The following MED12L variants were observed in gnomAD, a reference collection of about 807,000 sequenced individuals.
MED12L encodes mediator of RNA polymerase II transcription subunit 12-like protein.
A neutral mutation model predicts 281.3 loss-of-function variants in MED12L; 60 were observed. The ratio of observed to expected loss-of-function variants is 0.21; its 90% CI spans 0.17 to 0.26. The LOEUF (loss-of-function observed/expected upper bound fraction) is 0.26, where lower values mean the gene tolerates loss of function less well. MED12L is among the 10% of genes least tolerant of loss of function. MED12L has a pLI of 1.00. For missense variants in MED12L, 2,146 were observed against 2,680.9 expected, an observed-to-expected ratio of 0.80 and a Z score of 4.41; for synonymous variants, 974 against 987.2, an observed-to-expected ratio of 0.99 and a Z score of 0.25.
chr3:151,131,969 A>G (rs532612309), intron 5 of MED12L, among the ~76,000 whole-genome samples: 46 of 152,314 alleles, frequency 3.0e-4, no homozygotes, highest in African/African-American at 1.0e-3. Context: ...GCCAGATAAC[A>G]TACGATTCTG....
chr3:151,385,948 C>T (rs1713273397), intron 36 of MED12L, among the ~76,000 whole-genome samples: 1 of 152,026 alleles, frequency 6.6e-6, no homozygotes, highest in Non-Finnish European at 1.5e-5. Context: ...AGAGTTCCTA[C>T]CCTCAAGGGG....
intron 43 of MED12L, 71 bp from the exon 44 acceptor site, chr3:151,430,228 G>C: frequency 6.9e-6 from 11 of 1,599,794 alleles, no homozygotes; most frequent in Non-Finnish European, 9.4e-6. Flanking sequence ...GGCCCTGCGA[G>C]TTAGTCTCTG....
intron 11 of MED12L, among the ~76,000 whole-genome samples, chr3:151,171,700 T>A (rs1009784623): frequency 4.6e-5 from 7 of 152,200 alleles, no homozygotes; most frequent in Non-Finnish European, 5.9e-5. Context: ...AGGCCCTAAG[T>A]TTAGAAAATG....
chr3:151,141,948 T>C (rs1429784086), intron 5 of MED12L, among the ~76,000 whole-genome samples: 2 of 152,198 alleles, frequency 1.3e-5, no homozygotes, highest in Admixed American at 6.5e-5. Flanking sequence ...TCTTCTATGA[T>C]AAAATGTTAA....
chr3:151,178,157 C>CAAAAAAAAAAAAAAAAAAAAAAAAA (rs10572929), intron 11 of MED12L, among the ~76,000 whole-genome samples: 2 of 49,170 alleles, frequency 4.1e-5, no homozygotes, highest in South Asian at 1.1e-3. Flanking sequence ...GACTTGGTCT[C>CAAAAAAAAAAAAAAAAAAAAAAAAA]AAAAAAAAAA....
At chr3:151,329,413 CT>C (rs1750092615) in intron 16 of MED12L, 22 of 987,972 alleles carry the variant, frequency 2.2e-5, no homozygotes, top group East Asian at 5.3e-5. Context: ...TTTAAAGCAC[CT>C]TTTTTCCCTT....
At chr3:151,217,741 C>T (rs143406658) in intron 16 of MED12L, among the ~76,000 whole-genome samples, 1 of 152,076 alleles carries the variant, frequency 6.6e-6, no homozygotes, top group African/African-American at 2.4e-5. Flanking sequence ...AAGAGAAATT[C>T]CAAGATACTC....
chr3:151,091,234 G>A (rs1720003921), intron 2 of MED12L, among the ~76,000 whole-genome samples: 2 of 152,324 alleles, frequency 1.3e-5, no homozygotes, highest in Admixed American at 1.3e-4. Context: ...GCAGTGCAGG[G>A]GCTGCCCGAA....
chr3:151,262,175 G>T (rs1180016636), intron 16 of MED12L, among the ~76,000 whole-genome samples: 1 of 152,182 alleles, frequency 6.6e-6, no homozygotes, highest in Non-Finnish European at 1.5e-5. Flanking sequence ...TTATACACTA[G>T]CAGGGAATTC....
chr3:151,164,069 T>TGGCTGTTTTCATTCTTGAC (rs1720362002), intron 9 of MED12L, 27 bp downstream of exon 9: 1 of 1,607,644 alleles, frequency 6.2e-7, no homozygotes, highest in African/African-American at 1.3e-5. Flanking sequence ...AGTGATTTGA[T>TGGCTGTTTTCATTCTTGAC]GGCTGTTTTC....
At chr3:151,145,304 T>A (rs1717614971) in intron 5 of MED12L, among the ~76,000 whole-genome samples, 1 of 152,172 alleles carries the variant, frequency 6.6e-6, no homozygotes. Flanking sequence ...ATATTGTTAC[T>A]CTGCATGATA....
chr3:151,269,804 G>C, intron 16 of MED12L: 1 of 422,026 alleles, frequency 2.4e-6, no homozygotes, highest in South Asian at 1.8e-5. Flanking sequence ...TGCAAATCTG[G>C]AAAGGATATA....
At chr3:151,230,148 G>A (rs1331245582) in intron 16 of MED12L, among the ~76,000 whole-genome samples, 3 of 151,950 alleles carry the variant, frequency 2.0e-5, no homozygotes, top group Non-Finnish European at 4.4e-5. Flanking sequence ...TTTTGTTTTT[G>A]CATTTTTAGT....
At chr3:151,125,633 A>C (rs1576780478) in intron 4 of MED12L, among the ~76,000 whole-genome samples, 1 of 152,182 alleles carries the variant, frequency 6.6e-6, no homozygotes, top group Non-Finnish European at 1.5e-5. Flanking sequence ...TTGACAATGA[A>C]AATTTAACTC....
chr3:151,134,987 C>T (rs1172469100), intron 5 of MED12L, among the ~76,000 whole-genome samples: 2 of 152,082 alleles, frequency 1.3e-5, no homozygotes, highest in African/African-American at 2.4e-5. Context: ...CCCTCAGTTT[C>T]TTGTCTGTAA....
At chr3:151,240,159 T>G (rs1044853402) in intron 16 of MED12L, among the ~76,000 whole-genome samples, 2 of 152,076 alleles carry the variant, frequency 1.3e-5, no homozygotes, top group African/African-American at 4.8e-5. Flanking sequence ...GTGGCCCCGT[T>G]TTTTAGAGTG....
chr3:151,416,177 A>G (rs1717526185), intron 42 of MED12L, 135 bp from the exon 43 acceptor site: 1 of 1,492,834 alleles, frequency 6.7e-7, no homozygotes, highest in Admixed American at 1.7e-5. Flanking sequence ...TCAGCAAGGT[A>G]GAGATGCAGC....
chr3:151,265,419 G>A (rs1262137341), intron 16 of MED12L, among the ~76,000 whole-genome samples: 16 of 152,056 alleles, frequency 1.1e-4, no homozygotes, highest in Non-Finnish European at 2.9e-5. Context: ...TCTTTTTTGA[G>A]TATCATTATC....
chr3:151,366,994 T>C (rs1389959776), intron 23 of MED12L, among the ~76,000 whole-genome samples: 2 of 152,196 alleles, frequency 1.3e-5, no homozygotes, highest in African/African-American at 4.8e-5. Flanking sequence ...GTCCTTGGCA[T>C]ATGGTGCGAA....
Sources: gnomAD v4.1 joint callset for allele counts (sites outside exome capture counted in the v4.1 genomes callset) on GRCh38, gnomAD v4.1.1 for gene constraint, MANE v1.5 for transcripts, NCBI Gene and HGNC (gene_info 2026-07-23, HGNC 2026-07-21) for gene names.